The following DLAT variants were observed in gnomAD, a reference collection of about 807,000 sequenced individuals.
DLAT encodes dihydrolipoyllysine-residue acetyltransferase component of pyruvate dehydrogenase complex, mitochondrial.
In DLAT, 43 loss-of-function variants were observed where a neutral mutation model predicts 68.0. That is an observed-to-expected ratio of 0.63 (90% CI 0.50 to 0.81). DLAT has a LOEUF of 0.81. DLAT is among the 40% of genes least tolerant of loss of function. The pLI, the probability that DLAT is intolerant of heterozygous loss-of-function variation, is 0.00. For missense variants in DLAT, 745 were observed against 815.4 expected (o/e 0.91, Z 1.05); for synonymous variants, 265 against 288.6 (o/e 0.92, Z 0.83).
At position 112,051,254 on chromosome 11, in the gene DLAT, A is replaced by C. The variant is rs782728041; in HGVS notation, c.1419A>C (p.Lys473Asn). 6 of 1,612,412 alleles carry C rather than the reference A, an allele frequency of 3.7e-6. No individual in the cohort carries two copies. The South Asian group carries it at 6.6e-5, about 18-fold the overall frequency. ...TCCAGATATTAGAAGGGAGAAGCAA[A>C]ATTTCTGTCAATGACTTCATCATAA... ...ELNKILEGRS[K>N]ISVNDFIIKA... Residue 473 changes from lysine to asparagine, a missense_variant, in exon 11 of 14, where the codon AAA becomes AAC. Transcript: ENST00000280346. This position sits in a 1 kb window ranked among gnomAD's most constrained non-coding sequence, Gnocchi z 4.3.
chr11:112,028,452 A>G (rs1019971042), intron 2 of DLAT, 63 bp from the exon 3 acceptor site: 36 of 1,507,888 alleles, frequency 2.4e-5, no homozygotes, highest in Non-Finnish European at 2.9e-5. Flanking sequence ...AAAATTCTAG[A>G]CACAAGCTAA....
chr11:112,055,300 G>A (rs1326544454), intron 11 of DLAT, among the ~76,000 whole-genome samples: 1 of 135,118 alleles, frequency 7.4e-6, no homozygotes, highest in Non-Finnish European at 1.5e-5. Context: ...CTGGAGTGCA[G>A]TGGCGCAATC....
At chr11:112,046,802 T>C (rs1305066062) in intron 10 of DLAT, among the ~76,000 whole-genome samples, 7 of 135,738 alleles carry the variant, frequency 5.2e-5, no homozygotes, top group South Asian at 2.1e-4. Context: ...AAACTCATCC[T>C]TTTTTTTATG....
intron 10 of DLAT, among the ~76,000 whole-genome samples, chr11:112,048,949 C>G (rs1383457935): frequency 3.2e-5 from 4 of 123,276 alleles, no homozygotes; most frequent in African/African-American, 1.2e-4. Context: ...CGTGAGTCAT[C>G]TTTGTTCTTT....
intron 2 of DLAT, among the ~76,000 whole-genome samples, chr11:112,028,307 T>C (rs1862192777): frequency 6.6e-6 from 1 of 150,970 alleles, no homozygotes; most frequent in African/African-American, 2.4e-5. Flanking sequence ...TAATCCCAGC[T>C]ACTCGGGAGG....
intron 13 of DLAT, 73 bp downstream of exon 13, chr11:112,061,247 A>C: frequency 6.4e-7 from 1 of 1,560,414 alleles, no homozygotes; most frequent in Non-Finnish European, 8.8e-7. Flanking sequence ...TGGTATCCTC[A>C]GGGGATTGGC....
chr11:112,051,472 A>G lies in DLAT; in HGVS notation c.1514+123A>G. The G allele has an allele frequency of 1.4e-6, 1 of 709,186 alleles. No homozygotes were observed. The highest frequency in any genetic ancestry group is 2.4e-6 in the Non-Finnish European group (1 of 408,562). 43.9% of individuals were successfully genotyped at this position (709,186 alleles called of 1,614,324 possible). On this transcript the variant is annotated intron_variant, in intron 11 of 13. Coordinates refer to ENST00000280346, the MANE Select transcript of DLAT (RefSeq NM_001931.5). This position sits in a 1 kb window ranked among gnomAD's most constrained non-coding sequence, Gnocchi z 4.3. ...AGAGGCAGATGACTTACATAGGTCAAACAACTTGAAAACAACACAAAAATG... is the reference window on the plus strand; with the variant it reads ...AGAGGCAGATGACTTACATAGGTCAGACAACTTGAAAACAACACAAAAATG...
intron 10 of DLAT, among the ~76,000 whole-genome samples, chr11:112,049,572 ATTT>A (rs60794678): frequency 7.0e-6 from 1 of 142,892 alleles, no homozygotes; most frequent in Non-Finnish European, 1.5e-5. Flanking sequence ...GGTATGATTG[ATTT>A]TTTTTTTTTT....
At chr11:112,058,516 G>A (rs1403525084) in intron 11 of DLAT, among the ~76,000 whole-genome samples, 2 of 147,400 alleles carry the variant, frequency 1.4e-5, no homozygotes, top group Admixed American at 7.0e-5. Context: ...ACTTTTTCTC[G>A]ATTGCAGAAC....
At chr11:112,040,923 T>TA (rs60065215) in intron 7 of DLAT, among the ~76,000 whole-genome samples, 12,079 of 144,074 alleles carry the variant, frequency 0.084, 1,416 homozygotes, top group African/African-American at 0.26. Flanking sequence ...AGAGGAGTGT[T>TA]AAAAAAAAAA....
intron 7 of DLAT, 113 bp downstream of exon 7, chr11:112,039,510 G>C (rs1555180856): frequency 9.0e-7 from 1 of 1,112,506 alleles, no homozygotes; most frequent in Non-Finnish European, 1.3e-6. Flanking sequence ...GGATAGTAGG[G>C]ACAATCATTA....
intron 11 of DLAT, among the ~76,000 whole-genome samples, chr11:112,053,715 A>G (rs1044390095): frequency 1.3e-5 from 2 of 152,198 alleles, no homozygotes; most frequent in African/African-American, 4.8e-5. Context: ...GGCCTCCCAA[A>G]GTGCTGGGAT....
At chr11:112,034,760 C>A (rs1862604291) in intron 5 of DLAT, among the ~76,000 whole-genome samples, 1 of 151,140 alleles carries the variant, frequency 6.6e-6, no homozygotes, top group African/African-American at 2.4e-5. Context: ...AATTTCTTCT[C>A]TCTGCACCCC....
chr11:112,052,920 A>G (rs891096150), intron 11 of DLAT, among the ~76,000 whole-genome samples: 1 of 152,158 alleles, frequency 6.6e-6, no homozygotes, highest in East Asian at 1.9e-4. Flanking sequence ...CTCATTATAA[A>G]TAACAAAACA....
At chr11:112,057,897 A>C (rs1456033967) in intron 11 of DLAT, among the ~76,000 whole-genome samples, 5 of 152,214 alleles carry the variant, frequency 3.3e-5, no homozygotes, top group Non-Finnish European at 5.9e-5. Context: ...AAGTATTTTT[A>C]AATTAAGGTG....
At chr11:112,055,345 G>T (rs781876457) in intron 11 of DLAT, among the ~76,000 whole-genome samples, 20 of 142,622 alleles carry the variant, frequency 1.4e-4, no homozygotes, top group Non-Finnish European at 2.9e-4. Flanking sequence ...GTGGGTTCAT[G>T]CCGTTCTCCT....
intron 5 of DLAT, among the ~76,000 whole-genome samples, chr11:112,036,133 ATG>A (rs1238946454): frequency 7.3e-6 from 1 of 136,916 alleles, no homozygotes; most frequent in South Asian, 2.5e-4. Context: ...ACATATATAT[ATG>A]TGTGTGTATA....
chr11:112,040,903 G>C (rs1863019118), intron 7 of DLAT, among the ~76,000 whole-genome samples: 1 of 151,314 alleles, frequency 6.6e-6, no homozygotes, highest in Admixed American at 6.6e-5. Context: ...AATCCCTTAG[G>C]TATGAGCTGA....
At chr11:112,061,531 G>T (rs890190421) in intron 13 of DLAT, 2 of 264,758 alleles carry the variant, frequency 7.6e-6, no homozygotes, top group Non-Finnish European at 1.5e-5. Flanking sequence ...GGAACCCATG[G>T]ATATATGGAG....
Sources: allele counts gnomAD v4.1 joint callset (sites outside exome capture counted in the v4.1 genomes callset), GRCh38; gene constraint gnomAD v4.1.1; non-coding constraint Gnocchi (gnomAD v3.1); transcripts MANE v1.5; gene names NCBI Gene and HGNC (gene_info 2026-07-23, HGNC 2026-07-21).